GPR107: variants seen among roughly 807,000 people sequenced by gnomAD.
The protein encoded by GPR107 is G protein-coupled receptor 107, also known as protein GPR107.
A neutral mutation model predicts 75.5 loss-of-function variants in GPR107; 31 were observed. That is an observed-to-expected ratio of 0.41 (90% CI 0.31 to 0.55). The LOEUF (loss-of-function observed/expected upper bound fraction) is 0.55, where lower values mean the gene tolerates loss of function less well. Ranked by LOEUF, GPR107 falls within the 20% of genes least tolerant of loss-of-function variation. The pLI is 0.26. For synonymous variants in GPR107, 267 were observed against 251.3 expected, an observed-to-expected ratio of 1.06 and a Z score of -0.59; for missense variants, 572 against 665.7, an observed-to-expected ratio of 0.86 and a Z score of 1.55.
chr9:130,064,084 A>G (rs1316803478), intron 1 of GPR107, among the ~76,000 whole-genome samples: 1 of 150,992 alleles, frequency 6.6e-6, no homozygotes, highest in East Asian at 2.0e-4. Flanking sequence ...AAGTGCTGGG[A>G]TTACAAGTGT....
rs560871386 is a variant in GPR107, at chr9:130,101,748, G to A, written c.1131+525G>A. 2.6e-4 allele frequency among the ~76,000 whole-genome samples: 39 copies of A among 152,324 alleles called. 1 individual carries two copies. The highest frequency in any genetic ancestry group is 5.0e-4 in the Non-Finnish European group (34 of 68,036). On this transcript the variant is annotated intron_variant, in intron 12 of 17. Transcript: ENST00000347136. ...TTTGCGGGAGGAGCCTTGTCTTACTGGAAGCAGAACTTGGATGTAAAGAAC... is the reference window on the plus strand; with the variant it reads ...TTTGCGGGAGGAGCCTTGTCTTACTAGAAGCAGAACTTGGATGTAAAGAAC...
At chr9:130,061,724 C>A (rs1829931036) in intron 1 of GPR107, among the ~76,000 whole-genome samples, 1 of 151,624 alleles carries the variant, frequency 6.6e-6, no homozygotes, top group Non-Finnish European at 1.5e-5. Flanking sequence ...TGGGCAGATC[C>A]CCTGAGGTCA....
chr9:130,094,984 G>C (rs1002754876), intron 9 of GPR107, among the ~76,000 whole-genome samples: 3 of 151,088 alleles, frequency 2.0e-5, no homozygotes, highest in African/African-American at 7.4e-5. Flanking sequence ...CCCGGCCTCT[G>C]TTGTTTTTTT....
At chr9:130,090,816 GAAAA>G (rs1249398422) in intron 7 of GPR107, 56 bp from the exon 8 acceptor site, 1 of 622,776 alleles carries the variant, frequency 1.6e-6, no homozygotes, top group Non-Finnish European at 2.8e-6. Flanking sequence ...AAAAATAAAA[GAAAA>G]AATATATATC....
At chr9:130,065,475 A>T (rs2132542023) in intron 1 of GPR107, among the ~76,000 whole-genome samples, 1 of 148,432 alleles carries the variant, frequency 6.7e-6, no homozygotes, top group African/African-American at 2.5e-5. Flanking sequence ...CCATTAAGTG[A>T]TGTTTGTAGG....
rs1249026445 is a variant in GPR107 at position 130,137,375 on chromosome 9, C to G, written c.*2254C>G. 8 of 152,290 alleles carry G rather than the reference C, an allele frequency of 5.3e-5. No individual in the cohort carries two copies. Among genetic ancestry groups the G allele is most frequent in the African/African-American group, 1.9e-4 (8 of 41,466 alleles). 9.4% of individuals were successfully genotyped at this position (152,290 alleles called of 1,614,324 possible). ...CCACGCGTATGTCTGGGCTCACTCACAGCATGGCCGAGTGTCTGCAGTGCT... is the reference window on the plus strand; with the variant it reads ...CCACGCGTATGTCTGGGCTCACTCAGAGCATGGCCGAGTGTCTGCAGTGCT... On this transcript the variant is annotated 3_prime_UTR_variant, in exon 18 of 18. Transcript: ENST00000347136.
At chr9:130,054,206 C>A in intron 1 of GPR107, 133 bp downstream of exon 1, 2 of 901,660 alleles carry the variant, frequency 2.2e-6, no homozygotes, top group African/African-American at 1.7e-5. Context: ...CTTTCACTGA[C>A]AGGTGGCGGG....
intron 5 of GPR107, among the ~76,000 whole-genome samples, chr9:130,080,559 T>A (rs1183040148): frequency 1.3e-5 from 2 of 151,966 alleles, no homozygotes; most frequent in African/African-American, 2.4e-5. Context: ...TGGCGCAATC[T>A]CGGCTCACTG....
intron 10 of GPR107, among the ~76,000 whole-genome samples, 176 bp downstream of exon 10, chr9:130,099,708 C>T (rs1830967676): frequency 6.6e-6 from 1 of 151,982 alleles, no homozygotes; most frequent in East Asian, 1.9e-4. Flanking sequence ...ATGATTACCA[C>T]CTCCCCTCAT....
At chr9:130,134,076 G>C (rs779303061) in intron 17 of GPR107, among the ~76,000 whole-genome samples, 3 of 152,146 alleles carry the variant, frequency 2.0e-5, no homozygotes, top group Non-Finnish European at 4.4e-5. Flanking sequence ...TTATTTTACT[G>C]ATGAGGAAAT....
intron 1 of GPR107, among the ~76,000 whole-genome samples, chr9:130,058,880 A>C (rs1829860208): frequency 6.6e-6 from 1 of 151,936 alleles, no homozygotes; most frequent in South Asian, 2.1e-4. Context: ...CAGCGTGTGG[A>C]TATATCTTCT....
rs1831339180 is a variant in GPR107, at chr9:130,112,889, A to C, written c.1306+5350A>C. On this transcript the variant is annotated intron_variant, in intron 14 of 17. Transcript: ENST00000347136. The surrounding 1 kb of genome is among the most constrained non-coding windows in gnomAD (Gnocchi z 4.0). ...CTCAGCCCTCAAAGTAGCTAGGACTACAGGCGTGTGCTGCTATGCCTGGCT... is the reference window on the plus strand; with the variant it reads ...CTCAGCCCTCAAAGTAGCTAGGACTCCAGGCGTGTGCTGCTATGCCTGGCT... 6.6e-6 allele frequency among the ~76,000 whole-genome samples: 1 copy of C among 152,046 alleles called. No individual in the cohort carries two copies. Among genetic ancestry groups the C allele is most frequent in the Non-Finnish European group, 1.5e-5 (1 of 68,008 alleles).
At chr9:130,056,405 G>C (rs1051037790) in intron 1 of GPR107, among the ~76,000 whole-genome samples, 1 of 151,626 alleles carries the variant, frequency 6.6e-6, no homozygotes, top group African/African-American at 2.4e-5. Flanking sequence ...AGCCAAGATT[G>C]AGCCCCTGTA....
intron 15 of GPR107, among the ~76,000 whole-genome samples, chr9:130,126,796 A>G (rs758847): frequency 0.59 from 89,027 of 151,710 alleles, 26,141 homozygotes; most frequent in East Asian, 0.79. Flanking sequence ...TCTTTGTTTT[A>G]TTTTTTCTTT....
At position 130,135,982 on chromosome 9, in the gene GPR107, T is replaced by C. The variant is rs1831946823; in HGVS notation, c.*861T>C. 6.6e-6 allele frequency: 1 copy of C among 152,270 alleles called. No individual in the cohort carries two copies. Among genetic ancestry groups the C allele is most frequent in the African/African-American group, 2.4e-5 (1 of 41,456 alleles). 9.4% of individuals were successfully genotyped at this position (152,270 alleles called of 1,614,324 possible). On this transcript the variant is annotated 3_prime_UTR_variant, in exon 18 of 18. Coordinates refer to ENST00000347136, the MANE Select transcript of GPR107 (RefSeq NM_020960.5). ...CTGGCTTCCCTTCATGCTTGTGGCT[T>C]TGTTGTGTTTGATCAGAATTTTGGG...
Position 130,128,764 on chromosome 9 carries a change from A to G in GPR107, c.1562+3A>G. On this transcript the variant is annotated splice_donor_region_variant and intron_variant, in intron 17 of 17. Coordinates refer to ENST00000347136, the MANE Select transcript of GPR107 (RefSeq NM_020960.5). ...GAAGACTTGGAAATGGAGTCCGTGT[A>G]AGAAATCTTTCTTCCCTCTTCCTTA... is the stretch of plus-strand genomic sequence containing the variant. 2.5e-6 allele frequency: 4 copies of G among 1,613,632 alleles called. No individual in the cohort carries two copies. Among genetic ancestry groups the G allele is most frequent in the Non-Finnish European group, 2.5e-6 (3 of 1,179,520 alleles).
chr9:130,134,089 C>A (rs1273737815), intron 17 of GPR107, among the ~76,000 whole-genome samples: 1 of 152,132 alleles, frequency 6.6e-6, no homozygotes, highest in Non-Finnish European at 1.5e-5. Flanking sequence ...GAGGAAATTT[C>A]TTTTGGTCCA....
chr9:130,099,895 T>C, intron 10 of GPR107, among the ~76,000 whole-genome samples: 1 of 44,424 alleles, frequency 2.3e-5, no homozygotes, highest in Non-Finnish European at 5.2e-5. Context: ...TTTTTTTTTT[T>C]TTTTTTTTTT....
chr9:130,101,058 A>C, intron 11 of GPR107, 48 bp from the exon 12 acceptor site: 1 of 1,017,108 alleles, frequency 9.8e-7, no homozygotes, highest in Non-Finnish European at 1.6e-6. Flanking sequence ...ACTGGCAGTG[A>C]GAGTCTAAAG....
Sources: gnomAD v4.1 joint callset for allele counts (sites outside exome capture counted in the v4.1 genomes callset) on GRCh38, gnomAD v4.1.1 for gene constraint, Gnocchi (gnomAD v3.1) non-coding constraint, MANE v1.5 for transcripts, NCBI Gene and HGNC (gene_info 2026-07-23, HGNC 2026-07-21) for gene names.